UPP2: variants seen among roughly 807,000 people sequenced by gnomAD.
UPP2 encodes UPase 2.
Under a neutral mutation model 26.7 loss-of-function variants are expected in UPP2, and 23 were observed. The observed-to-expected ratio is 0.86, with a 90% CI of 0.62 to 1.22. UPP2 has a LOEUF of 1.22. Among genes scored for constraint, UPP2 ranks in the 50% most tolerant of loss-of-function variants. The pLI, the probability that UPP2 is intolerant of heterozygous loss-of-function variation, is 0.00. For missense variants in UPP2, 387 were observed against 396.7 expected (o/e 0.98, Z 0.21); for synonymous variants, 127 against 141.3 (o/e 0.90, Z 0.72).
rs139368205 is a variant in UPP2 at position 158,132,441 on chromosome 2, G to C, written c.812-2307G>C. 2.9e-3 allele frequency among the ~76,000 whole-genome samples: 447 copies of C among 152,276 alleles called. 2 individuals carry two copies. Among genetic ancestry groups the C allele is most frequent in the African/African-American group, 0.01 (426 of 41,562 alleles). ...CTGTGTAATACTGGGCCATTTGGTT[G>C]ATCATTCTAAGCCCTCATTTAATCA... On this transcript the variant is annotated intron_variant, in intron 6 of 6. Coordinates refer to ENST00000005756, the MANE Select transcript of UPP2 (RefSeq NM_173355.4).
At chr2:158,119,263 C>T (rs1486564630) in intron 4 of UPP2, among the ~76,000 whole-genome samples, 1 of 151,942 alleles carries the variant, frequency 6.6e-6, no homozygotes, top group African/African-American at 2.4e-5. Flanking sequence ...AATGATCATC[C>T]AGCTCTTGAT....
intron 3 of UPP2, among the ~76,000 whole-genome samples, chr2:158,082,974 A>G (rs1325934069): frequency 3.3e-5 from 5 of 152,174 alleles, no homozygotes; most frequent in Admixed American, 2.6e-4. Context: ...ATCACTGGTC[A>G]TTAGAGAAAT....
At chr2:158,087,959 C>G (rs1682843044) in intron 3 of UPP2, among the ~76,000 whole-genome samples, 1 of 152,174 alleles carries the variant, frequency 6.6e-6, no homozygotes, top group Non-Finnish European at 1.5e-5. Flanking sequence ...GATGACTATG[C>G]TGAGGTGATA....
chr2:158,118,458 G>A lies in UPP2; in HGVS notation c.454+520G>A, dbSNP rs138987133. 3.0e-3 allele frequency among the ~76,000 whole-genome samples: 450 copies of A among 152,036 alleles called. 4 individuals are homozygous for A. The highest frequency in any genetic ancestry group is 9.3e-3 in the South Asian group (45 of 4,816). On this transcript the variant is annotated intron_variant, in intron 4 of 6. Coordinates refer to ENST00000005756, the MANE Select transcript of UPP2 (RefSeq NM_173355.4). ...AAACCAGGCCAGGCTTTCAGGGAAG[G>A]CTTAAGTGATGCTTCCTATAGTTTT...
intron 3 of UPP2, among the ~76,000 whole-genome samples, chr2:158,073,357 A>C (rs1378447125): frequency 6.6e-6 from 1 of 152,170 alleles, no homozygotes; most frequent in African/African-American, 2.4e-5. Flanking sequence ...CAGCCTCAAA[A>C]GGGCAAATCT....
intron 3 of UPP2, among the ~76,000 whole-genome samples, chr2:158,083,867 T>TTA (rs200105900): frequency 0.016 from 2,290 of 145,830 alleles, 74 homozygotes; most frequent in African/African-American, 0.052. Flanking sequence ...TATATGTTTT[T>TTA]TATATATATA....
intron 2 of UPP2, among the ~76,000 whole-genome samples, chr2:158,110,776 C>G (rs1419224367): frequency 1.3e-5 from 2 of 152,140 alleles, no homozygotes; most frequent in Non-Finnish European, 2.9e-5. Flanking sequence ...TGATGATGAG[C>G]ATTTTTTCAT....
At chr2:158,121,341 T>C (rs1683561743) in intron 4 of UPP2, 68 bp from the exon 5 acceptor site, 23 of 1,392,804 alleles carry the variant, frequency 1.7e-5, no homozygotes, top group Non-Finnish European at 2.2e-5. Flanking sequence ...TAGAATAAGT[T>C]ACATACTATG....
intron 2 of UPP2, among the ~76,000 whole-genome samples, chr2:158,008,746 C>T (rs1446254463): frequency 6.6e-6 from 1 of 151,892 alleles, no homozygotes; most frequent in Admixed American, 6.6e-5. Context: ...TGTTATTTAC[C>T]AATCTTTATG....
intron 3 of UPP2, among the ~76,000 whole-genome samples, chr2:158,068,783 TATATATATATATATATA>T (rs1682480419): frequency 8.8e-5 from 1 of 11,406 alleles, no homozygotes; most frequent in East Asian, 1.4e-3. Context: ...TATATATATA[TATATATATATATATATA>T]TATTTTTTTT....
intron 3 of UPP2, among the ~76,000 whole-genome samples, chr2:158,080,029 G>A (rs776354443): frequency 1.3e-5 from 2 of 152,054 alleles, no homozygotes; most frequent in Non-Finnish European, 2.9e-5. Context: ...CCTGGTCTTA[G>A]CCCCTTGACT....
upstream of UPP2, among the ~76,000 whole-genome samples, chr2:158,099,186 T>G (rs189813389): frequency 3.9e-5 from 6 of 152,358 alleles, no homozygotes. Flanking sequence ...AAGAACTGTC[T>G]TTTTCATGCC....
intron 3 of UPP2, among the ~76,000 whole-genome samples, chr2:158,068,863 G>A (rs1231102789): frequency 8.4e-6 from 1 of 118,842 alleles, no homozygotes; most frequent in Non-Finnish European, 1.6e-5. Context: ...TGTCACCCAG[G>A]CTGGAGTGCA....
chr2:158,106,079 T>C lies in UPP2; in HGVS notation c.63-20T>C. Reference sequence around the variant, plus strand: ...TCTCAAAATTCTTTTATATCTTCTTTGTATAATTTTTTTTTCCAGAAAAAG... The same window carrying C: ...TCTCAAAATTCTTTTATATCTTCTTCGTATAATTTTTTTTTCCAGAAAAAG... On this transcript the variant is annotated intron_variant, in intron 1 of 6. Coordinates refer to ENST00000005756, the MANE Select transcript of UPP2 (RefSeq NM_173355.4). 2 of 1,533,174 alleles carry C rather than the reference T, an allele frequency of 1.3e-6. No individual in the cohort carries two copies. The highest frequency in any genetic ancestry group is 1.8e-6 in the Non-Finnish European group (2 of 1,131,932). The allele number at this position is 1,533,174 out of a possible 1,614,324, so 95.0% of individuals were successfully genotyped here.
At chr2:158,100,937 G>A (rs1181360255), upstream of UPP2, among the ~76,000 whole-genome samples, 1 of 152,208 alleles carries the variant, frequency 6.6e-6, no homozygotes, top group East Asian at 1.9e-4. Context: ...AAGAATGACT[G>A]TCACCAGGAA....
At chr2:158,087,609 T>C (rs1222523772) in intron 3 of UPP2, among the ~76,000 whole-genome samples, 2 of 152,186 alleles carry the variant, frequency 1.3e-5, no homozygotes, top group African/African-American at 4.8e-5. Flanking sequence ...TATGCTTTAA[T>C]GAGGTTCTAT....
chr2:158,044,994 T>C (rs2105166644), intron 3 of UPP2, among the ~76,000 whole-genome samples: 1 of 152,370 alleles, frequency 6.6e-6, no homozygotes, highest in East Asian at 1.9e-4. Flanking sequence ...TAAATGAATG[T>C]ATTTTCTTTC....
intron 3 of UPP2, among the ~76,000 whole-genome samples, chr2:158,073,405 T>C (rs369420890): frequency 3.0e-4 from 45 of 152,182 alleles, no homozygotes; most frequent in African/African-American, 1.1e-3. Context: ...GAGAAAAAGA[T>C]AGGAGTAGAA....
intron 2 of UPP2, among the ~76,000 whole-genome samples, chr2:157,999,791 G>T (rs1300215109): frequency 6.6e-6 from 1 of 152,064 alleles, no homozygotes; most frequent in Non-Finnish European, 1.5e-5. Flanking sequence ...TAAAAGTTAA[G>T]AAAAATTTTA....
Sources: gnomAD v4.1 joint callset for allele counts (sites outside exome capture counted in the v4.1 genomes callset) on GRCh38, gnomAD v4.1.1 for gene constraint, MANE v1.5 for transcripts, NCBI Gene and HGNC (gene_info 2026-07-23, HGNC 2026-07-21) for gene names.